Variants in LYPLAL1 observed in about 807,000 individuals in gnomAD.
The protein encoded by LYPLAL1 is lysophospholipase like 1, also known as lysophospholipase-like protein 1.
Under a neutral mutation model 19.7 loss-of-function variants are expected in LYPLAL1, and 23 were observed. The observed-to-expected ratio is 1.17, with a 90% confidence interval of 0.84 to 1.65. The LOEUF is 1.65. Among genes scored for constraint, LYPLAL1 ranks in the 40% most tolerant of loss-of-function variants. The pLI is 0.00. For missense variants in LYPLAL1, 355 were observed against 279.4 expected, an observed-to-expected ratio of 1.27 and a Z score of -1.93; for synonymous variants, 119 against 96.3, an observed-to-expected ratio of 1.24 and a Z score of -1.38.
chr1:219,335,542 G>A, the LYPLAL1 span, among the ~76,000 whole-genome samples: 2 of 151,930 alleles, frequency 1.3e-5, no homozygotes, highest in Middle Eastern at 3.4e-3. Flanking sequence ...AATTTGGTAA[G>A]AGAAAAAATG....
chr1:219,307,023 C>CATATATATATATATAT, the LYPLAL1 span, among the ~76,000 whole-genome samples: 63 of 119,432 alleles, frequency 5.3e-4, no homozygotes, highest in African/African-American at 1.8e-3. Flanking sequence ...TATACACATA[C>CATATATATATATATAT]ATATATATAT....
chr1:219,335,338 G>A, the LYPLAL1 span, among the ~76,000 whole-genome samples: 1 of 151,842 alleles, frequency 6.6e-6, no homozygotes, highest in Non-Finnish European at 1.5e-5. Flanking sequence ...AACTACAAAA[G>A]TGAAAGAATC....
chr1:219,289,203 A>G, the LYPLAL1 span, among the ~76,000 whole-genome samples: 2 of 151,062 alleles, frequency 1.3e-5, no homozygotes, highest in Non-Finnish European at 2.9e-5. Flanking sequence ...GAAAAATTTG[A>G]TAAGTATCAG....
the LYPLAL1 span, among the ~76,000 whole-genome samples, chr1:219,425,738 A>G: frequency 6.6e-6 from 1 of 152,210 alleles, no homozygotes; most frequent in African/African-American, 2.4e-5. Flanking sequence ...GATCAAATGC[A>G]TTTATTATCC....
the LYPLAL1 span, among the ~76,000 whole-genome samples, chr1:219,230,391 G>A: frequency 6.6e-5 from 10 of 152,280 alleles, no homozygotes; most frequent in African/African-American, 2.4e-4. Flanking sequence ...GATTACAGGC[G>A]TGAGCCACCG....
At chr1:219,408,874 G>A in the LYPLAL1 span, among the ~76,000 whole-genome samples, 7 of 152,196 alleles carry the variant, frequency 4.6e-5, no homozygotes, top group Admixed American at 1.3e-4. Context: ...GGAAAGGTAA[G>A]TTGGCTCCAG....
At chr1:219,238,122 C>CTTTTTTT in the LYPLAL1 span, among the ~76,000 whole-genome samples, 4 of 103,892 alleles carry the variant, frequency 3.9e-5, no homozygotes, top group Non-Finnish European at 5.5e-5. Context: ...TGGATCTAAA[C>CTTTTTTT]TTTTTTTTTT....
At chr1:219,362,178 G>A in the LYPLAL1 span, among the ~76,000 whole-genome samples, 1 of 152,246 alleles carries the variant, frequency 6.6e-6, no homozygotes, top group East Asian at 1.9e-4. Context: ...AGGAAATGGT[G>A]TATAGACCTC....
chr1:219,379,729 A>G, the LYPLAL1 span, among the ~76,000 whole-genome samples: 1 of 152,224 alleles, frequency 6.6e-6, no homozygotes, highest in African/African-American at 2.4e-5. Flanking sequence ...CCATTTTATT[A>G]TTCATTTGGA....
chr1:219,375,591 G>A, the LYPLAL1 span, among the ~76,000 whole-genome samples: 1 of 150,842 alleles, frequency 6.6e-6, no homozygotes, highest in African/African-American at 2.4e-5. Context: ...TGTAGCAAAT[G>A]TCTCAGAAGA....
At chr1:219,334,831 G>A in the LYPLAL1 span, among the ~76,000 whole-genome samples, 1 of 151,730 alleles carries the variant, frequency 6.6e-6, no homozygotes, top group Non-Finnish European at 1.5e-5. Flanking sequence ...TTAAACTCTT[G>A]TTGTATTAAC....
the LYPLAL1 span, among the ~76,000 whole-genome samples, chr1:219,305,888 C>A: frequency 1.3e-5 from 2 of 152,196 alleles, no homozygotes; most frequent in African/African-American, 4.8e-5. Flanking sequence ...AACTACAATA[C>A]TTCCATTTTG....
intron 3 of LYPLAL1, among the ~76,000 whole-genome samples, chr1:219,206,530 G>A (rs1412374037): frequency 1.3e-5 from 2 of 151,998 alleles, no homozygotes. Context: ...GGCTAGTGAG[G>A]AGTTGCAGAT....
At chr1:219,249,247 T>TAC in the LYPLAL1 span, among the ~76,000 whole-genome samples, 1 of 152,024 alleles carries the variant, frequency 6.6e-6, no homozygotes, top group Non-Finnish European at 1.5e-5. Flanking sequence ...AAATAAACTA[T>TAC]ACACACACGC....
At chr1:219,432,517 C>T in the LYPLAL1 span, among the ~76,000 whole-genome samples, 3 of 152,080 alleles carry the variant, frequency 2.0e-5, no homozygotes, top group Non-Finnish European at 4.4e-5. Flanking sequence ...TCAGGATTTC[C>T]GTGTGCCAGT....
chr1:219,246,741 A>G, the LYPLAL1 span, among the ~76,000 whole-genome samples: 2 of 152,126 alleles, frequency 1.3e-5, no homozygotes, highest in African/African-American at 4.8e-5. Context: ...ACATGCCACC[A>G]TGCCCAGCTA....
At chr1:219,317,775 A>G in the LYPLAL1 span, among the ~76,000 whole-genome samples, 1 of 152,232 alleles carries the variant, frequency 6.6e-6, no homozygotes, top group Non-Finnish European at 1.5e-5. Context: ...TTGTCGTCTC[A>G]GAGAATGACT....
chr1:219,334,556 T>C, the LYPLAL1 span, among the ~76,000 whole-genome samples: 1 of 151,702 alleles, frequency 6.6e-6, no homozygotes, highest in Non-Finnish European at 1.5e-5. Flanking sequence ...TGTGTGTGTG[T>C]GTGTTTAATC....
the LYPLAL1 span, among the ~76,000 whole-genome samples, chr1:219,440,582 C>A: frequency 6.6e-6 from 1 of 152,162 alleles, no homozygotes; most frequent in East Asian, 1.9e-4. Context: ...TGAAAGACAT[C>A]AGATATATTT....
Sources: allele counts gnomAD v4.1 joint callset (sites outside exome capture counted in the v4.1 genomes callset), GRCh38; gene constraint gnomAD v4.1.1; transcripts MANE v1.5; gene names NCBI Gene and HGNC (gene_info 2026-07-23, HGNC 2026-07-21).